KLHL21: variants seen among roughly 807,000 people sequenced by gnomAD.
KLHL21 encodes the protein kelch-like protein 21.
In KLHL21, 42 loss-of-function variants were observed where a neutral mutation model predicts 44.1. The observed-to-expected ratio is 0.95, with a 90% confidence interval of 0.74 to 1.23. The LOEUF is 1.23. KLHL21 is among the 50% of genes most tolerant of loss of function. The pLI, the probability that KLHL21 is intolerant of heterozygous loss-of-function variation, is 0.00. For synonymous variants in KLHL21, 524 were observed against 411.6 expected (o/e 1.27, Z -3.31); for missense variants, 918 against 889.1 (o/e 1.03, Z -0.41).
rs6674407 is a variant in KLHL21, at chr1:6,602,853, G to A, written c.-36C>T. ...ATAGGTTGTCGAGGACGCCGCGGCC[G>A]GGGCCTGCGGAGAGACGCGGCGCGC... On this transcript the variant is annotated 5_prime_UTR_variant, in exon 1 of 4. Coordinates refer to ENST00000377658, the MANE Select transcript of KLHL21 (RefSeq NM_014851.4). 0.33 allele frequency: 459,880 copies of A among 1,386,656 alleles called. 78,459 individuals are homozygous for A. The highest frequency in any genetic ancestry group is 0.46 in the South Asian group (28,816 of 62,446). The allele number at this position is 1,386,656 out of a possible 1,614,324, so 85.9% of individuals were successfully genotyped here.
chr1:6,593,675 T>C lies in KLHL21; in HGVS notation c.1501-17A>G. On this transcript the variant is annotated splice_polypyrimidine_tract_variant and intron_variant, in intron 3 of 3. Transcript: ENST00000377658. ...CACATGTACCTGTGGGCCAAAGGGA[T>C]GAGTGAGTGGAGGTCAGAGGAGAGG... 6.4e-7 allele frequency: 1 copy of C among 1,556,026 alleles called. No homozygotes were observed. Among genetic ancestry groups the C allele is most frequent in the Non-Finnish European group, 8.7e-7 (1 of 1,148,356 alleles).
chr1:6,597,117 G>A (rs1222409967), intron 2 of KLHL21, among the ~76,000 whole-genome samples: 11 of 152,346 alleles, frequency 7.2e-5, no homozygotes, highest in African/African-American at 2.2e-4. Context: ...TCTGTGCTCC[G>A]GCACAGGTCA....
At chr1:6,598,364 G>A (rs1417010906) in intron 2 of KLHL21, among the ~76,000 whole-genome samples, 3 of 151,810 alleles carry the variant, frequency 2.0e-5, no homozygotes, top group Non-Finnish European at 4.4e-5. Context: ...GAGGTCAGGA[G>A]TTCTAGACCA....
In KLHL21 at chr1:6,602,218, C is replaced by G; in HGVS notation, c.600G>C (p.Gln200His). 3 of 1,520,846 alleles carry G rather than the reference C, an allele frequency of 2.0e-6. No individual in the cohort carries two copies. Among genetic ancestry groups the G allele is most frequent in the Non-Finnish European group, 2.6e-6 (3 of 1,141,278 alleles). The allele number at this position is 1,520,846 out of a possible 1,614,324, so 94.2% of individuals were successfully genotyped here. A position where few individuals can be genotyped will look rare whatever the true frequency, so the allele number is the denominator to read the frequency against. ...CAGCGCGGACCCAGCGCAGCGCCAG[C>G]TGGTAGGCGGCCTCCTCCTTGGGCA... ...LCVPKEEAAY[Q>H]LALRWVRADP... The change falls in exon 1 of 4, where the codon CAG becomes CAC. Residue 200 changes from glutamine (Q) to histidine (H), a missense_variant. Coordinates refer to ENST00000377658, the MANE Select transcript of KLHL21 (RefSeq NM_014851.4).
At chr1:6,601,689 G>A in intron 1 of KLHL21, 108 bp downstream of exon 1, 1 of 1,436,302 alleles carries the variant, frequency 7.0e-7, no homozygotes, top group Non-Finnish European at 9.2e-7. Context: ...TTGGACTCAG[G>A]TGCGCCCCTA....
rs1252664046 is a variant in KLHL21, at chr1:6,602,567, G to A, written c.251C>T (p.Pro84Leu). ...GTCCAGCAGCAGCTGCAGCATGTCG[G>A]GAGGCACTCCGTGCAGGCGCACCCG... ...AERVRLHGVP[P>L]DMLQLLLDFS... Residue 84 changes from proline (P) to leucine (L), a missense_variant, in exon 1 of 4, where the codon CCC (proline) becomes CTC (leucine). Transcript: ENST00000377658. 2.0e-6 allele frequency: 3 copies of A among 1,535,486 alleles called. No homozygotes were observed. The highest frequency in any genetic ancestry group is 2.6e-6 in the Non-Finnish European group (3 of 1,146,008).
chr1:6,599,019 A>G, intron 2 of KLHL21, 28 bp downstream of exon 2: 1 of 1,543,956 alleles, frequency 6.5e-7, no homozygotes, highest in South Asian at 1.2e-5. Flanking sequence ...CACCAAACAC[A>G]CAGTGGGGCT....
chr1:6,597,713 C>A (rs907300350), intron 2 of KLHL21, among the ~76,000 whole-genome samples: 27 of 152,328 alleles, frequency 1.8e-4, no homozygotes, highest in African/African-American at 6.5e-4. Context: ...AGGCAGGGGG[C>A]CAAGGAGCAG....
In KLHL21 at chr1:6,593,392, C is replaced by A. The variant is rs756226341; in HGVS notation, c.1767G>T (p.Pro589=). ...SDDMDPGRPR[P]PRDPDELH is the part of the protein sequence containing the mutation. The stretch of plus-strand genomic sequence containing the variant: ...AGTGCAGCTCATCGGGGTCCCGCGG[C>A]GGCCGGGGTCGGCCTGGGTCCATGT... The change falls in exon 4 of 4, where the codon CCG becomes CCT. Residue 589 remains proline (P), a synonymous_variant. Coordinates refer to ENST00000377658, the MANE Select transcript of KLHL21 (RefSeq NM_014851.4). 20 of 1,602,422 alleles carry A rather than the reference C, an allele frequency of 1.2e-5. No homozygotes were observed. The highest frequency in any genetic ancestry group is 1.7e-4 in the Middle Eastern group (1 of 5,884).
intron 3 of KLHL21, chr1:6,595,201 G>A (rs1186382659): frequency 1.4e-5 from 8 of 587,464 alleles, no homozygotes; most frequent in Non-Finnish European, 2.4e-5. Flanking sequence ...GTCCCCAGAT[G>A]ACTGTATGCC....
intron 3 of KLHL21, 62 bp from the exon 4 acceptor site, chr1:6,593,720 G>A (rs1034829169): frequency 3.3e-6 from 5 of 1,495,638 alleles, no homozygotes; most frequent in Non-Finnish European, 4.5e-6. Context: ...GGCCCCACCT[G>A]GGGAACCACT....
At chr1:6,599,838 T>G in intron 1 of KLHL21, 1 of 201,418 alleles carries the variant, frequency 5.0e-6, no homozygotes, top group Non-Finnish European at 1.0e-5. Flanking sequence ...ACTTGCTCAC[T>G]AACTCCTAGG....
chr1:6,601,746 T>C (rs1195049378), intron 1 of KLHL21, 51 bp downstream of exon 1: 3 of 1,483,866 alleles, frequency 2.0e-6, no homozygotes, highest in Non-Finnish European at 1.8e-6. Flanking sequence ...TGGGCTCCCG[T>C]ACCGGCGAGG....
chr1:6,591,718 A>AG lies in KLHL21; in HGVS notation c.*1646dup, dbSNP rs1166282114. ...CCTGAGGGAGTTTGCACAGACCAGG[A>AG]GGGGCCAAGGGGTAGCCCCAAGGGA... On this transcript the variant is annotated 3_prime_UTR_variant, in exon 4 of 4. Coordinates refer to ENST00000377658, the MANE Select transcript of KLHL21 (RefSeq NM_014851.4). The AG allele has an allele frequency of 6.5e-6, 1 of 152,850 alleles. No individual in the cohort carries two copies. Among genetic ancestry groups the AG allele is most frequent in the Non-Finnish European group, 1.5e-5 (1 of 68,568 alleles). The allele number at this position is 152,850 out of a possible 1,614,324, so 9.5% of individuals were successfully genotyped here. A position where few individuals can be genotyped will look rare whatever the true frequency, so the allele number is the denominator to read the frequency against.
Position 6,602,824 on chromosome 1 carries a change from T to C in KLHL21, c.-7A>G, listed in dbSNP as rs767551879. 2 of 1,425,698 alleles carry C rather than the reference T, an allele frequency of 1.4e-6. No homozygotes were observed. The highest frequency in any genetic ancestry group is 2.9e-5 in the South Asian group (2 of 69,288). 88.3% of individuals were successfully genotyped at this position (1,425,698 alleles called of 1,614,324 possible). ...GGGGCGCCGGTCGCTCCATGGCGCC[T>C]TCGATAGGTTGTCGAGGACGCCGCG... is the stretch of plus-strand genomic sequence containing the variant. On this transcript the variant is annotated 5_prime_UTR_variant, in exon 1 of 4. Coordinates refer to ENST00000377658, the MANE Select transcript of KLHL21 (RefSeq NM_014851.4).
Position 6,591,286 on chromosome 1 carries a change from C to T in KLHL21, c.*2079G>A. 1 of 330,822 alleles carries T rather than the reference C, an allele frequency of 3.0e-6. No homozygotes were observed. 20.5% of individuals were successfully genotyped at this position (330,822 alleles called of 1,614,324 possible). A position where few individuals can be genotyped will look rare whatever the true frequency, so the allele number is the denominator to read the frequency against. ...TCCGGAGGACAGACACAGGAGAGGG[C>T]ACAATCCCAAGCGCAGCTCTCCTGC... On this transcript the variant is annotated 3_prime_UTR_variant, in exon 4 of 4. Transcript: ENST00000377658.
chr1:6,601,582 G>C (rs1056665392), intron 1 of KLHL21, among the ~76,000 whole-genome samples: 2 of 152,236 alleles, frequency 1.3e-5, no homozygotes, highest in African/African-American at 4.8e-5. Context: ...ACGGGGCACA[G>C]AGACCCACAA....
At chr1:6,601,546 T>C (rs1476803494) in intron 1 of KLHL21, among the ~76,000 whole-genome samples, 1 of 152,218 alleles carries the variant, frequency 6.6e-6, no homozygotes, top group African/African-American at 2.4e-5. Context: ...GGCACGGAGT[T>C]GGCTCAGCCT....
Position 6,591,231 on chromosome 1 carries a change from C to G in KLHL21, c.*2134G>C, listed in dbSNP as rs1640845176. ...ATACTTGGTCTTCTAAACCCAAAGACAGGGTCCTGATGGTGGAGACCTGGG... is the reference window on the plus strand; with the variant it reads ...ATACTTGGTCTTCTAAACCCAAAGAGAGGGTCCTGATGGTGGAGACCTGGG... On this transcript the variant is annotated 3_prime_UTR_variant, in exon 4 of 4. Coordinates refer to ENST00000377658, the MANE Select transcript of KLHL21 (RefSeq NM_014851.4). 2.6e-6 allele frequency: 1 copy of G among 378,342 alleles called. No individual in the cohort carries two copies. The highest frequency in any genetic ancestry group is 4.7e-6 in the Non-Finnish European group (1 of 213,352). The allele number at this position is 378,342 out of a possible 1,614,324, so 23.4% of individuals were successfully genotyped here.
Sources: allele counts gnomAD v4.1 joint callset (sites outside exome capture counted in the v4.1 genomes callset), GRCh38; gene constraint gnomAD v4.1.1; transcripts MANE v1.5; gene names NCBI Gene and HGNC (gene_info 2026-07-23, HGNC 2026-07-21).